MARCHF1: variants seen among roughly 807,000 people sequenced by gnomAD.
MARCHF1 encodes the protein E3 ubiquitin-protein ligase MARCHF1.
Under a neutral mutation model 54.2 loss-of-function variants are expected in MARCHF1, and 40 were observed. The observed-to-expected ratio is 0.74, with a 90% CI of 0.57 to 0.96. The LOEUF is 0.96. Among genes scored for constraint, MARCHF1 ranks in the 40% least tolerant of loss-of-function variants. The pLI, the probability that MARCHF1 is intolerant of heterozygous loss-of-function variation, is 0.00. For synonymous variants in MARCHF1, 236 were observed against 236.3 expected, an observed-to-expected ratio of 1.00 and a Z score of 0.01; for missense variants, 586 against 656.5, an observed-to-expected ratio of 0.89 and a Z score of 1.17.
At chr4:163,984,289 G>A (rs1021429126) in intron 3 of MARCHF1, among the ~76,000 whole-genome samples, 5 of 152,174 alleles carry the variant, frequency 3.3e-5, no homozygotes, top group African/African-American at 4.8e-5. Context: ...AATGGCAGCA[G>A]TAAAGAAAAT....
At chr4:163,703,228 A>ATT (rs899568645) in intron 4 of MARCHF1, among the ~76,000 whole-genome samples, 2 of 148,820 alleles carry the variant, frequency 1.3e-5, no homozygotes, top group African/African-American at 4.9e-5. Flanking sequence ...TCACTATACA[A>ATT]TTTTTTTTTT....
chr4:163,605,005 G>T (rs906265734), intron 7 of MARCHF1, among the ~76,000 whole-genome samples: 4 of 151,942 alleles, frequency 2.6e-5, no homozygotes, highest in African/African-American at 9.7e-5. Context: ...CATAAAAGAT[G>T]ACACCATTAC....
chr4:163,985,780 T>C (rs1752850638), intron 3 of MARCHF1, among the ~76,000 whole-genome samples: 1 of 152,212 alleles, frequency 6.6e-6, no homozygotes, highest in South Asian at 2.1e-4. Context: ...TAGATCATTT[T>C]CCTAATGCAC....
rs1752564931 is a variant in MARCHF1 at position 163,972,455 on chromosome 4, A to C, written c.-39+16046T>G. Among the ~76,000 whole-genome samples, 6 of 152,238 alleles carry C rather than the reference A, an allele frequency of 3.9e-5. No individual in the cohort carries two copies. The South Asian group carries it at 1.2e-3, about 31-fold the overall frequency. ...TTGTATTAGAAATTGTTCAAGTTTAAAAAGTTCAAGTACAATGCACTATTA... is the reference window on the plus strand; with the variant it reads ...TTGTATTAGAAATTGTTCAAGTTTACAAAGTTCAAGTACAATGCACTATTA... On this transcript the variant is annotated intron_variant, in intron 3 of 9. Coordinates refer to ENST00000514618, the MANE Select transcript of MARCHF1 (RefSeq NM_001394959.1).
intron 3 of MARCHF1, among the ~76,000 whole-genome samples, chr4:163,980,589 A>G (rs1049814484): frequency 1.3e-5 from 2 of 152,200 alleles, no homozygotes; most frequent in African/African-American, 4.8e-5. Flanking sequence ...AAGTTCTCTT[A>G]TAATTTCACG....
chr4:164,315,429 A>G (rs750112496), intron 1 of MARCHF1, among the ~76,000 whole-genome samples: 11 of 152,170 alleles, frequency 7.2e-5, no homozygotes, highest in African/African-American at 2.4e-4. Flanking sequence ...TTCTAATTCT[A>G]CAAGGTAAAA....
At chr4:163,734,942 T>G (rs76667843) in intron 4 of MARCHF1, among the ~76,000 whole-genome samples, 112 of 152,314 alleles carry the variant, frequency 7.4e-4, no homozygotes, top group African/African-American at 2.6e-3. Flanking sequence ...ATGTTCCTAC[T>G]ATGAGTTCAA....
intron 9 of MARCHF1, among the ~76,000 whole-genome samples, chr4:163,531,046 T>G (rs1252843759): frequency 6.6e-6 from 1 of 151,866 alleles, no homozygotes; most frequent in Non-Finnish European, 1.5e-5. Context: ...ACTAGTGGAT[T>G]CTACCAAACA....
intron 2 of MARCHF1, among the ~76,000 whole-genome samples, chr4:164,059,795 G>A (rs981284074): frequency 1.1e-4 from 16 of 151,960 alleles, no homozygotes; most frequent in African/African-American, 3.9e-4. Context: ...ATAATGGTCC[G>A]TGACATTTTA....
chr4:164,180,363 G>A (rs931458365), intron 1 of MARCHF1, among the ~76,000 whole-genome samples: 1 of 152,102 alleles, frequency 6.6e-6, no homozygotes, highest in Non-Finnish European at 1.5e-5. Context: ...TAAGATGGAA[G>A]ATTAGTGCAA....
intron 5 of MARCHF1, among the ~76,000 whole-genome samples, chr4:163,637,737 T>C (rs1742391977): frequency 6.6e-6 from 1 of 151,686 alleles, no homozygotes; most frequent in African/African-American, 2.4e-5. Context: ...GCCATCCCAT[T>C]ACTGGGTATA....
intron 4 of MARCHF1, among the ~76,000 whole-genome samples, chr4:163,736,415 G>A (rs773442451): frequency 2.3e-4 from 35 of 152,070 alleles, no homozygotes; most frequent in African/African-American, 1.2e-4. Flanking sequence ...ATTTCATGTC[G>A]CTACTCAAAA....
At chr4:163,957,629 GAAAC>G (rs1223151450) in intron 3 of MARCHF1, among the ~76,000 whole-genome samples, 1 of 151,950 alleles carries the variant, frequency 6.6e-6, no homozygotes, top group Non-Finnish European at 1.5e-5. Flanking sequence ...CCTTTATTCT[GAAAC>G]TTAACTCTTT....
At chr4:163,758,207 A>G (rs1040498016) in intron 4 of MARCHF1, among the ~76,000 whole-genome samples, 2 of 152,148 alleles carry the variant, frequency 1.3e-5, no homozygotes, top group African/African-American at 4.8e-5. Flanking sequence ...GGGAGTCTGG[A>G]AGGCAGAAGG....
chr4:164,325,333 T>TTATATATATATATATATATATATATATA lies in MARCHF1; in HGVS notation c.-323+58536_-323+58537insTATATATATATATATATATATATATATA, dbSNP rs58385154. On this transcript the variant is annotated intron_variant, in intron 1 of 9. Transcript: ENST00000514618. ...GGACCAGTGAGTTGGTAGACAGAAA[T>TTATATATATATATATATATATATATATA]TATATATATATATATATATATATTT... 1.2e-3 allele frequency among the ~76,000 whole-genome samples: 162 copies of TTATATATATATATATATATATATATATA among 138,346 alleles called. 1 individual carries two copies. The highest frequency in any genetic ancestry group is 1.5e-3 in the South Asian group (6 of 3,994). 90.8% of individuals were successfully genotyped at this position (138,346 alleles called of 152,430 possible).
intron 3 of MARCHF1, among the ~76,000 whole-genome samples, chr4:163,912,097 G>C (rs1751203542): frequency 6.7e-6 from 1 of 149,990 alleles, no homozygotes; most frequent in Non-Finnish European, 1.5e-5. Context: ...TTTAGTTCTA[G>C]ACATCACATC....
chr4:163,878,373 T>A (rs1259739349), intron 3 of MARCHF1, among the ~76,000 whole-genome samples: 1 of 152,236 alleles, frequency 6.6e-6, no homozygotes, highest in African/African-American at 2.4e-5. Flanking sequence ...GTAGACTGAA[T>A]CTGTGCCCAG....
At chr4:164,270,025 A>T (rs1188286735) in intron 1 of MARCHF1, among the ~76,000 whole-genome samples, 4 of 152,160 alleles carry the variant, frequency 2.6e-5, no homozygotes, top group Non-Finnish European at 5.9e-5. Context: ...ACTGTAAAAC[A>T]TCCCATGGTT....
rs1012504074 is a variant in MARCHF1 at position 163,660,492 on chromosome 4, G to A, written c.162+40321C>T. 2.6e-5 allele frequency among the ~76,000 whole-genome samples: 4 copies of A among 151,798 alleles called. No homozygotes were observed. The South Asian group carries it at 8.3e-4, about 31-fold the overall frequency. On this transcript the variant is annotated intron_variant, in intron 5 of 9. Transcript: ENST00000514618. ...CATAGATGACGGGTGGATAGATGCA[G>A]CAGTCCACCATGGCATATGTATACC...
Sources: allele counts gnomAD v4.1 joint callset (sites outside exome capture counted in the v4.1 genomes callset), GRCh38; gene constraint gnomAD v4.1.1; transcripts MANE v1.5; gene names NCBI Gene and HGNC (gene_info 2026-07-23, HGNC 2026-07-21).